The following PTCH1 variants were observed in gnomAD, a reference collection of about 807,000 sequenced individuals.
The protein encoded by PTCH1 is patched 1, also known as protein patched homolog 1.
PTCH1 carries 14 observed loss-of-function variants against 144.6 expected under a neutral mutation model. The ratio of observed to expected loss-of-function variants is 0.10; its 90% CI spans 0.06 to 0.15. PTCH1 has a LOEUF of 0.15. Among genes scored for constraint, PTCH1 ranks in the 10% least tolerant of loss-of-function variants. The pLI is 1.00. For missense variants in PTCH1, 1,623 were observed against 1,948.3 expected, an observed-to-expected ratio of 0.83 and a Z score of 3.14; for synonymous variants, 833 against 793.6, an observed-to-expected ratio of 1.05 and a Z score of -0.83.
At chr9:95,461,592 T>C (rs1157733344) in intron 16 of PTCH1, among the ~76,000 whole-genome samples, 1 of 152,232 alleles carries the variant, frequency 6.6e-6, no homozygotes, top group Non-Finnish European at 1.5e-5. Context: ...TGGCTGCACT[T>C]TATTCTGACA....
chr9:95,510,507 A>T (rs1026619757), upstream of PTCH1, among the ~76,000 whole-genome samples: 5 of 152,042 alleles, frequency 3.3e-5, no homozygotes. Context: ...CTTTTTATTT[A>T]AAAAAATTTT....
intron 1 of PTCH1, chr9:95,507,920 GCACA>G (rs763385604): frequency 1.5e-5 from 14 of 957,700 alleles, no homozygotes; most frequent in Admixed American, 8.6e-5. Context: ...ACACACACAC[GCACA>G]CACACACACC....
chr9:95,481,700 T>C (rs1382242015), intron 5 of PTCH1: 5 of 547,012 alleles, frequency 9.1e-6, no homozygotes, highest in Non-Finnish European at 1.6e-5. Flanking sequence ...TTGCATTTTA[T>C]TTGCATATAA....
At position 95,456,543 on chromosome 9, in the gene PTCH1, C is replaced by T. The variant is rs1838945819; in HGVS notation, c.3169-130G>A. On this transcript the variant is annotated intron_variant, in intron 18 of 23. Coordinates refer to ENST00000331920, the MANE Select transcript of PTCH1 (RefSeq NM_000264.5). ...CAATGAATGGACTGACTTGCTTTAA[C>T]TCTGGACACTGCCTTTACTGCCTAA... The T allele has an allele frequency of 3.2e-6, 4 of 1,249,098 alleles. No individual in the cohort carries two copies. The South Asian group carries it at 5.4e-5, about 17-fold the overall frequency. 77.4% of individuals were successfully genotyped at this position (1,249,098 alleles called of 1,614,324 possible).
chr9:95,475,676 G>A lies in PTCH1; in HGVS notation c.1728+358C>T, dbSNP rs574870550. On this transcript the variant is annotated intron_variant, in intron 12 of 23. Coordinates refer to ENST00000331920, the MANE Select transcript of PTCH1 (RefSeq NM_000264.5). ...GGTAAGTGCAGGTACTGGGAGTGGT[G>A]TTTGGAAGCAGGGGATGGCCCAGAA... is the stretch of plus-strand genomic sequence containing the variant. Among the ~76,000 whole-genome samples, 3 of 152,252 alleles carry A rather than the reference G, an allele frequency of 2.0e-5. No individual in the cohort carries two copies. The South Asian group carries it at 6.2e-4, about 32-fold the overall frequency.
intron 2 of PTCH1, among the ~76,000 whole-genome samples, chr9:95,487,965 C>T (rs552487011): frequency 2.6e-5 from 4 of 152,186 alleles, no homozygotes; most frequent in Non-Finnish European, 5.9e-5. Flanking sequence ...TTCTGCCCCT[C>T]GAGCCTTGGC....
At chr9:95,492,558 G>A (rs1842486062) in intron 2 of PTCH1, among the ~76,000 whole-genome samples, 1 of 151,848 alleles carries the variant, frequency 6.6e-6, no homozygotes, top group South Asian at 2.1e-4. Context: ...TAAAGTAGTT[G>A]AAACATAAAC....
Position 95,446,203 on chromosome 9 carries a change from G to A in PTCH1, c.*190C>T, listed in dbSNP as rs1415280070. The stretch of plus-strand genomic sequence containing the variant: ...TCCTTCCTTCCTATATTACACATGT[G>A]TACATCTCTTAAATATTTATAGAAA... On this transcript the variant is annotated 3_prime_UTR_variant, in exon 24 of 24. Transcript: ENST00000331920. 1 of 377,548 alleles carries A rather than the reference G, an allele frequency of 2.6e-6. No homozygotes were observed. Among genetic ancestry groups the A allele is most frequent in the Admixed American group, 3.3e-5 (1 of 30,550 alleles). 23.4% of individuals were successfully genotyped at this position (377,548 alleles called of 1,614,324 possible).
chr9:95,481,757 T>A, intron 5 of PTCH1, 192 bp downstream of exon 5: 1 of 626,218 alleles, frequency 1.6e-6, no homozygotes, highest in Non-Finnish European at 2.8e-6. Context: ...TACAGAATTG[T>A]TTTTTGAAAA....
intron 15 of PTCH1, among the ~76,000 whole-genome samples, chr9:95,464,077 G>C (rs1839784108): frequency 6.6e-6 from 1 of 152,248 alleles, no homozygotes; most frequent in Admixed American, 6.5e-5. Flanking sequence ...AGCCTTGCTG[G>C]AAACTCGATT....
At chr9:95,475,942 A>G in intron 12 of PTCH1, 92 bp downstream of exon 12, 1 of 1,574,086 alleles carries the variant, frequency 6.4e-7, no homozygotes, top group South Asian at 1.1e-5. Flanking sequence ...TTCATAAGTA[A>G]CTGAAGTGCC....
intron 8 of PTCH1, 105 bp downstream of exon 8, chr9:95,478,895 A>AGTT (rs1564052745): frequency 6.5e-7 from 1 of 1,539,682 alleles, no homozygotes; most frequent in African/African-American, 1.4e-5. Context: ...CCAGAATTGC[A>AGTT]ATGTTTTGAA....
At chr9:95,508,063 G>A in intron 1 of PTCH1, 98 bp downstream of exon 1, 2 of 1,570,396 alleles carry the variant, frequency 1.3e-6, no homozygotes, top group African/African-American at 1.3e-5. Flanking sequence ...GTGTGTGAGA[G>A]AGAGAGGAAG....
In PTCH1 at chr9:95,453,581, C is replaced by T. The variant is rs201605273; in HGVS notation, c.3346G>A (p.Val1116Met). ...GCAAACATGTGCTCCAGGGCAAGCA[C>T]AGCCCTGCGGTTCTTGTCGCCGATG... ...TAIGDKNRRA[V>M]LALEHMFAPV... Residue 1116 changes from valine to methionine, a missense_variant, in exon 20 of 24, where the codon GTG becomes ATG. Val to Met is a conservative substitution (Grantham distance 21, BLOSUM62 1). Transcript: ENST00000331920. 14 of 1,614,092 alleles carry T rather than the reference C, an allele frequency of 8.7e-6. No individual in the cohort carries two copies. The highest frequency in any genetic ancestry group is 1.6e-4 in the Middle Eastern group (1 of 6,062).
chr9:95,492,571 A>G (rs1004460862), intron 2 of PTCH1, among the ~76,000 whole-genome samples: 56 of 152,034 alleles, frequency 3.7e-4, no homozygotes, highest in African/African-American at 1.0e-3. Context: ...ACATAAACAA[A>G]TTTCATGTTT....
chr9:95,449,731 G>A lies in PTCH1; in HGVS notation c.3549+110C>T. 1 of 1,035,656 alleles carries A rather than the reference G, an allele frequency of 9.7e-7. No homozygotes were observed. The highest frequency in any genetic ancestry group is 1.5e-6 in the Non-Finnish European group (1 of 673,720). The allele number at this position is 1,035,656 out of a possible 1,614,324, so 64.2% of individuals were successfully genotyped here. A position where few individuals can be genotyped will look rare whatever the true frequency, so the allele number is the denominator to read the frequency against. ...CAGACATGACTCTGAGATGTTTACT[G>A]AAGAACCACCAGCAAGTGGGGAGGC... is the stretch of plus-strand genomic sequence containing the variant. On this transcript the variant is annotated intron_variant, in intron 21 of 23. Coordinates refer to ENST00000331920, the MANE Select transcript of PTCH1 (RefSeq NM_000264.5). This position sits in a 1 kb window ranked among gnomAD's most constrained non-coding sequence, Gnocchi z 5.3.
At chr9:95,470,835 G>T (rs1163588314) in intron 12 of PTCH1, among the ~76,000 whole-genome samples, 2 of 152,154 alleles carry the variant, frequency 1.3e-5, no homozygotes, top group Non-Finnish European at 2.9e-5. Flanking sequence ...AGCACTTTGC[G>T]AGGCTGAGGT....
chr9:95,460,446 G>GGGA (rs1292161179), intron 16 of PTCH1, among the ~76,000 whole-genome samples: 1 of 152,156 alleles, frequency 6.6e-6, no homozygotes, highest in Non-Finnish European at 1.5e-5. Context: ...GGAACTCTGT[G>GGGA]GGACTCAGTA....
At chr9:95,502,241 C>T (rs1843198977) in intron 2 of PTCH1, among the ~76,000 whole-genome samples, 1 of 152,182 alleles carries the variant, frequency 6.6e-6, no homozygotes, top group South Asian at 2.1e-4. Flanking sequence ...AAGATGTCCC[C>T]GATTTTCCTG....
Sources: gnomAD v4.1 joint callset for allele counts (sites outside exome capture counted in the v4.1 genomes callset) on GRCh38, gnomAD v4.1.1 for gene constraint, Gnocchi (gnomAD v3.1) non-coding constraint, MANE v1.5 for transcripts, NCBI Gene and HGNC (gene_info 2026-07-23, HGNC 2026-07-21) for gene names.